The following CARMIL1 variants were observed in gnomAD, a reference collection of about 807,000 sequenced individuals.
CARMIL1 encodes F-actin-uncapping protein LRRC16A.
In CARMIL1, 90 loss-of-function variants were observed where a neutral mutation model predicts 177.1. The ratio of observed to expected loss-of-function variants is 0.51; its 90% CI spans 0.43 to 0.61. CARMIL1 has a LOEUF of 0.61. Among genes scored for constraint, CARMIL1 ranks in the 20% least tolerant of loss-of-function variants. The probability of loss-of-function intolerance (pLI) is 0.00; values close to 1 mark genes in which losing one functional copy is unlikely to be tolerated. For missense variants in CARMIL1, 1,380 were observed against 1,667.0 expected (o/e 0.83, Z 3.00); for synonymous variants, 577 against 606.2 (o/e 0.95, Z 0.71).
intron 2 of CARMIL1, among the ~76,000 whole-genome samples, chr6:25,407,174 C>T (rs1240171727): frequency 2.6e-5 from 4 of 151,894 alleles, no homozygotes; most frequent in Non-Finnish European, 5.9e-5. Flanking sequence ...GAATTGGAGG[C>T]AGGAATATGA....
At chr6:25,577,000 A>AT in intron 29 of CARMIL1, 1 of 984,878 alleles carries the variant, frequency 1.0e-6, no homozygotes, top group Non-Finnish European at 1.2e-6. Context: ...AAGTGTAAGT[A>AT]TTTTTTGGTG....
chr6:25,407,949 G>C (rs2150615462), intron 2 of CARMIL1, among the ~76,000 whole-genome samples: 1 of 152,306 alleles, frequency 6.6e-6, no homozygotes, highest in East Asian at 1.9e-4. Context: ...TGAGGCCTCA[G>C]ATTCTGCATT....
At chr6:25,365,310 A>T (rs2150409024) in intron 2 of CARMIL1, among the ~76,000 whole-genome samples, 1 of 152,294 alleles carries the variant, frequency 6.6e-6, no homozygotes, top group African/African-American at 2.4e-5. Context: ...ATGTATAGGC[A>T]TCTTTGGCTT....
chr6:25,403,823 C>T (rs1794102312), intron 2 of CARMIL1, among the ~76,000 whole-genome samples: 1 of 152,190 alleles, frequency 6.6e-6, no homozygotes, highest in South Asian at 2.1e-4. Context: ...CATTTTTCTC[C>T]ATAGCACTTA....
intron 9 of CARMIL1, 87 bp from the exon 10 acceptor site, chr6:25,471,082 T>A (rs1433029507): frequency 1.3e-6 from 1 of 795,644 alleles, no homozygotes; most frequent in East Asian, 2.7e-5. Context: ...TTTTACTTAA[T>A]TAAAACTTTG....
intron 29 of CARMIL1, among the ~76,000 whole-genome samples, chr6:25,561,855 CTT>C (rs1021262374): frequency 3.3e-5 from 5 of 151,996 alleles, no homozygotes; most frequent in African/African-American, 1.2e-4. Context: ...TCTGTAATGT[CTT>C]TTTCTTACTG....
chr6:25,344,514 C>T (rs1162404269), intron 2 of CARMIL1, among the ~76,000 whole-genome samples: 1 of 152,166 alleles, frequency 6.6e-6, no homozygotes, highest in African/African-American at 2.4e-5. Flanking sequence ...AATACCACAG[C>T]ACCATATTGT....
At chr6:25,591,289 C>T (rs1037573430) in intron 31 of CARMIL1, among the ~76,000 whole-genome samples, 2 of 152,238 alleles carry the variant, frequency 1.3e-5, no homozygotes, top group Non-Finnish European at 2.9e-5. Context: ...TCCTCACGAT[C>T]ACCAGCTTAT....
intron 8 of CARMIL1, among the ~76,000 whole-genome samples, chr6:25,462,380 A>G (rs1316826839): frequency 6.6e-6 from 1 of 152,124 alleles, no homozygotes; most frequent in Admixed American, 6.5e-5. Flanking sequence ...ATGCACACAT[A>G]GTATTTTGTA....
intron 20 of CARMIL1, among the ~76,000 whole-genome samples, chr6:25,514,301 C>G (rs2151059077): frequency 6.6e-6 from 1 of 152,202 alleles, no homozygotes; most frequent in Non-Finnish European, 1.5e-5. Context: ...AATCCTAGCA[C>G]TTTGGGAGAC....
chr6:25,452,000 C>CT (rs546887539), intron 8 of CARMIL1: 1 of 184,906 alleles, frequency 5.4e-6, no homozygotes, highest in African/African-American at 2.9e-5. Context: ...CCCCCTCCCC[C>CT]CCCCAGAATA....
intron 2 of CARMIL1, among the ~76,000 whole-genome samples, chr6:25,306,231 C>G (rs1189741199): frequency 6.6e-6 from 1 of 152,054 alleles, no homozygotes; most frequent in Non-Finnish European, 1.5e-5. Context: ...GCAGAAGGGT[C>G]CCCAACCCCA....
chr6:25,322,390 T>A (rs896141368), intron 2 of CARMIL1, among the ~76,000 whole-genome samples: 2 of 152,244 alleles, frequency 1.3e-5, no homozygotes, highest in Non-Finnish European at 2.9e-5. Context: ...CCCAAAGTGT[T>A]GGGATTACAG....
chr6:25,507,972 A>C (rs1289470407), intron 17 of CARMIL1, among the ~76,000 whole-genome samples: 8 of 152,172 alleles, frequency 5.3e-5, no homozygotes, highest in African/African-American at 1.9e-4. Flanking sequence ...TACATTTATA[A>C]AATATAATAC....
intron 26 of CARMIL1, among the ~76,000 whole-genome samples, chr6:25,544,642 CA>C (rs1562270821): frequency 1.4e-3 from 208 of 148,694 alleles, no homozygotes; most frequent in East Asian, 5.4e-3. Flanking sequence ...CACACACACA[CA>C]CACCCCAAAC....
Position 25,435,483 on chromosome 6 carries a change from A to T in CARMIL1, c.250A>T (p.Met84Leu). Residue 84 changes from methionine to leucine, a missense_variant and splice_region_variant, in exon 5 of 37, where the codon ATG becomes TTG. Physicochemically the swap from Met to Leu is conservative, Grantham distance 15. Coordinates refer to ENST00000329474, the MANE Select transcript of CARMIL1 (RefSeq NM_017640.6). ...AGAAGTGTCCCACCGGTTCTTGCAG[A>T]TGATTGTGGAAACTGAGAAGTGCAG... ...HGVVCSKSAQ[M>L]IVETEKCSIS... 6.4e-7 allele frequency: 1 copy of T among 1,550,780 alleles called. No individual in the cohort carries two copies. Among genetic ancestry groups the T allele is most frequent in the Non-Finnish European group, 8.7e-7 (1 of 1,146,446 alleles).
At chr6:25,433,722 A>G (rs1463028534) in intron 4 of CARMIL1, among the ~76,000 whole-genome samples, 3 of 152,226 alleles carry the variant, frequency 2.0e-5, no homozygotes, top group Non-Finnish European at 4.4e-5. Flanking sequence ...ACTAACTAGC[A>G]CAGAAGTGGT....
intron 31 of CARMIL1, among the ~76,000 whole-genome samples, chr6:25,593,404 A>C (rs1406106396): frequency 6.6e-6 from 1 of 152,238 alleles, no homozygotes; most frequent in East Asian, 1.9e-4. Flanking sequence ...GCTCCCTATC[A>C]TCTAAGCAGT....
chr6:25,542,227 T>C (rs1808988493), intron 26 of CARMIL1, among the ~76,000 whole-genome samples: 1 of 152,180 alleles, frequency 6.6e-6, no homozygotes, highest in Non-Finnish European at 1.5e-5. Context: ...CACTTATACC[T>C]TTGGTGTTCG....
Sources: gnomAD v4.1 joint callset for allele counts (sites outside exome capture counted in the v4.1 genomes callset) on GRCh38, gnomAD v4.1.1 for gene constraint, MANE v1.5 for transcripts, NCBI Gene and HGNC (gene_info 2026-07-23, HGNC 2026-07-21) for gene names.